The following SOX6 variants were observed in gnomAD, a reference collection of about 807,000 sequenced individuals.
SOX6 encodes the protein transcription factor SOX-6.
A neutral mutation model predicts 97.8 loss-of-function variants in SOX6; 11 were observed. The observed-to-expected ratio is 0.11, with a 90% CI of 0.07 to 0.19. The LOEUF is 0.19. SOX6 is among the 10% of genes least tolerant of loss of function. The pLI is 1.00. For synonymous variants in SOX6, 360 were observed against 371.4 expected (o/e 0.97, Z 0.35); for missense variants, 810 against 1,039.5 (o/e 0.78, Z 3.04).
At chr11:16,033,701 T>G (rs1855444736) in intron 12 of SOX6, among the ~76,000 whole-genome samples, 1 of 152,000 alleles carries the variant, frequency 6.6e-6, no homozygotes, top group Admixed American at 6.6e-5. Context: ...TGAAACCCCA[T>G]CTCTACTAAA....
At chr11:16,113,078 A>G (rs1350684734) in intron 6 of SOX6, among the ~76,000 whole-genome samples, 1 of 152,012 alleles carries the variant, frequency 6.6e-6, no homozygotes, top group Non-Finnish European at 1.5e-5. Flanking sequence ...AATTCCATAC[A>G]CTGGCTAATG....
At chr11:16,042,671 A>G (rs1294571837) in intron 12 of SOX6, among the ~76,000 whole-genome samples, 1 of 152,134 alleles carries the variant, frequency 6.6e-6, no homozygotes, top group African/African-American at 2.4e-5. Flanking sequence ...TGCAAATTGA[A>G]GTGATTGAAC....
chr11:16,278,528 C>T (rs182009058), intron 3 of SOX6, among the ~76,000 whole-genome samples: 2 of 151,982 alleles, frequency 1.3e-5, no homozygotes, highest in East Asian at 3.9e-4. Flanking sequence ...TTCTAACAGG[C>T]CTTAACTTGC....
chr11:16,247,796 C>G (rs149892384), intron 3 of SOX6, among the ~76,000 whole-genome samples: 1 of 152,210 alleles, frequency 6.6e-6, no homozygotes, highest in African/African-American at 2.4e-5. Context: ...TGGTCCCTCC[C>G]AAATTTCATG....
intron 3 of SOX6, among the ~76,000 whole-genome samples, chr11:16,714,645 T>C (rs1848207016): frequency 6.6e-6 from 1 of 151,920 alleles, no homozygotes; most frequent in South Asian, 2.1e-4. Context: ...AGAGACGGGG[T>C]TTCACCATGT....
At chr11:16,100,263 T>G (rs2133979279) in intron 7 of SOX6, among the ~76,000 whole-genome samples, 1 of 151,940 alleles carries the variant, frequency 6.6e-6, no homozygotes, top group East Asian at 1.9e-4. Flanking sequence ...AATGCTTTCA[T>G]GAGGACCCAT....
At chr11:16,320,605 A>G (rs1184699704) in intron 2 of SOX6, among the ~76,000 whole-genome samples, 1 of 152,070 alleles carries the variant, frequency 6.6e-6, no homozygotes, top group Non-Finnish European at 1.5e-5. Context: ...GAAGGAAGGA[A>G]CAGATTTGGG....
intron 1 of SOX6, among the ~76,000 whole-genome samples, chr11:16,345,003 G>A (rs2134347447): frequency 6.6e-6 from 1 of 152,014 alleles, no homozygotes; most frequent in Non-Finnish European, 1.5e-5. Flanking sequence ...CAGCCAAACT[G>A]CTGAAGCATG....
At chr11:16,105,006 A>G (rs1224704309) in intron 7 of SOX6, among the ~76,000 whole-genome samples, 2 of 152,052 alleles carry the variant, frequency 1.3e-5, no homozygotes, top group East Asian at 3.9e-4. Flanking sequence ...CTTACAAAAA[A>G]AAAATGAAGG....
chr11:16,353,851 T>A (rs1296582618), intron 1 of SOX6, among the ~76,000 whole-genome samples: 2 of 152,036 alleles, frequency 1.3e-5, no homozygotes, highest in African/African-American at 2.4e-5. Context: ...TCCTGCATTA[T>A]TTATCTGGTC....
intron 3 of SOX6, among the ~76,000 whole-genome samples, chr11:16,249,782 G>C (rs1590063253): frequency 6.6e-6 from 1 of 152,074 alleles, no homozygotes; most frequent in African/African-American, 2.4e-5. Context: ...CTCATATACT[G>C]CAGTCTAGTG....
chr11:16,635,193 C>G (rs1164948679), intron 3 of SOX6, among the ~76,000 whole-genome samples: 1 of 152,174 alleles, frequency 6.6e-6, no homozygotes, highest in Non-Finnish European at 1.5e-5. Flanking sequence ...AACTGGGTAA[C>G]AGGCAGAGGT....
chr11:16,288,162 A>G (rs1222324714), intron 3 of SOX6, among the ~76,000 whole-genome samples: 1 of 152,108 alleles, frequency 6.6e-6, no homozygotes. Flanking sequence ...TCAAGGGTCC[A>G]GTATTCCCTG....
At chr11:16,377,105 C>G (rs1857664261) in intron 1 of SOX6, among the ~76,000 whole-genome samples, 1 of 151,580 alleles carries the variant, frequency 6.6e-6, no homozygotes, top group African/African-American at 2.4e-5. Context: ...AGGAGGATTT[C>G]AATTTTAAAA....
chr11:16,493,838 A>G (rs1860551409), intron 4 of SOX6, among the ~76,000 whole-genome samples: 1 of 152,212 alleles, frequency 6.6e-6, no homozygotes, highest in Non-Finnish European at 1.5e-5. Flanking sequence ...AGCAGCTACG[A>G]AAGGCAATTT....
intron 4 of SOX6, among the ~76,000 whole-genome samples, chr11:16,218,102 A>G (rs1046971146): frequency 5.9e-5 from 9 of 152,114 alleles, no homozygotes; most frequent in African/African-American, 2.4e-5. Flanking sequence ...CATTATTTTT[A>G]TTATTTTTAA....
chr11:16,488,650 C>T (rs952979459), intron 4 of SOX6, among the ~76,000 whole-genome samples: 2 of 152,170 alleles, frequency 1.3e-5, no homozygotes, highest in Non-Finnish European at 2.9e-5. Flanking sequence ...CAAATAAACA[C>T]TGTAGACCCA....
intron 4 of SOX6, among the ~76,000 whole-genome samples, chr11:16,551,605 A>T (rs368335278): frequency 2.6e-5 from 4 of 151,946 alleles, no homozygotes; most frequent in South Asian, 2.1e-4. Flanking sequence ...AATATGAAAA[A>T]ATATATATAT....
intron 3 of SOX6, among the ~76,000 whole-genome samples, chr11:16,264,140 G>T (rs10832577): frequency 1.3e-5 from 2 of 151,514 alleles, no homozygotes; most frequent in Non-Finnish European, 2.9e-5. Flanking sequence ...ATGAAAAGTA[G>T]TCACTCAACT....
Sources: gnomAD v4.1 joint callset for allele counts (sites outside exome capture counted in the v4.1 genomes callset) on GRCh38, gnomAD v4.1.1 for gene constraint, MANE v1.5 for transcripts, NCBI Gene and HGNC (gene_info 2026-07-23, HGNC 2026-07-21) for gene names.